Variants in CACNB2 observed in about 807,000 individuals in gnomAD.
CACNB2 encodes calcium voltage-gated channel auxiliary subunit beta 2.
A neutral mutation model predicts 73.3 loss-of-function variants in CACNB2; 42 were observed. That is an observed-to-expected ratio of 0.57 (90% CI 0.45 to 0.74). CACNB2 has a LOEUF of 0.74. CACNB2 is among the 30% of genes least tolerant of loss of function. The pLI, the probability that CACNB2 is intolerant of heterozygous loss-of-function variation, is 0.00. For missense variants in CACNB2, 940 were observed against 853.0 expected, an observed-to-expected ratio of 1.10 and a Z score of -1.27; for synonymous variants, 348 against 310.3, an observed-to-expected ratio of 1.12 and a Z score of -1.28.
chr10:18,438,996 G>A (rs527558357), intron 3 of CACNB2, among the ~76,000 whole-genome samples: 1 of 152,360 alleles, frequency 6.6e-6, no homozygotes, highest in Admixed American at 6.5e-5. Flanking sequence ...TAAACTGAAG[G>A]TCATCGGGGA....
intron 2 of CACNB2, among the ~76,000 whole-genome samples, chr10:18,203,478 G>C (rs2034968946): frequency 1.3e-5 from 2 of 152,088 alleles, no homozygotes; most frequent in Non-Finnish European, 2.9e-5. Flanking sequence ...TCCTTATAAA[G>C]GTAGCAATTT....
intron 3 of CACNB2, among the ~76,000 whole-genome samples, chr10:18,488,507 AGGATTT>A (rs926661292): frequency 6.9e-6 from 1 of 144,590 alleles, no homozygotes; most frequent in African/African-American, 2.5e-5. Context: ...AAAGAAAATC[AGGATTT>A]GACATCGCTG....
chr10:18,159,275 C>T (rs1013592602), intron 2 of CACNB2, among the ~76,000 whole-genome samples: 32 of 152,174 alleles, frequency 2.1e-4, no homozygotes, highest in African/African-American at 6.3e-4. Context: ...AGCCCGGACT[C>T]GCGAACTGTT....
intron 2 of CACNB2, among the ~76,000 whole-genome samples, chr10:18,261,569 G>A (rs1317848547): frequency 6.6e-6 from 1 of 152,066 alleles, no homozygotes. Flanking sequence ...ACTTGCGCGG[G>A]GATTGGTTTG....
At chr10:18,515,819 G>T (rs1386760047) in intron 7 of CACNB2, among the ~76,000 whole-genome samples, 1 of 152,212 alleles carries the variant, frequency 6.6e-6, no homozygotes, top group Non-Finnish European at 1.5e-5. Flanking sequence ...GACGGAGCAG[G>T]AATGTGAGCT....
intron 2 of CACNB2, among the ~76,000 whole-genome samples, chr10:18,174,679 C>T (rs1588620734): frequency 1.3e-5 from 2 of 152,278 alleles, no homozygotes; most frequent in African/African-American, 4.8e-5. Context: ...GCTGAGATTA[C>T]AGGCGTAAGC....
intron 2 of CACNB2, among the ~76,000 whole-genome samples, chr10:18,380,262 C>T (rs960879764): frequency 2.9e-5 from 4 of 140,238 alleles, no homozygotes; most frequent in African/African-American, 7.7e-5. Context: ...ATGGCATTTT[C>T]ATTTTGTTTT....
intron 3 of CACNB2, among the ~76,000 whole-genome samples, chr10:18,420,496 G>T (rs1362660064): frequency 1.3e-5 from 2 of 152,110 alleles, no homozygotes; most frequent in African/African-American, 4.8e-5. Context: ...AAGATCGATG[G>T]ATGTCTCACC....
intron 2 of CACNB2, among the ~76,000 whole-genome samples, chr10:18,249,596 G>A (rs1478902941): frequency 6.6e-6 from 1 of 152,068 alleles, no homozygotes; most frequent in East Asian, 1.9e-4. Context: ...GCCTCTACCT[G>A]ACCAGATCTG....
intron 2 of CACNB2, among the ~76,000 whole-genome samples, chr10:18,182,696 C>A (rs537832529): frequency 6.6e-6 from 1 of 151,762 alleles, no homozygotes; most frequent in African/African-American, 2.4e-5. Context: ...GTGGCGTGCA[C>A]CTGTAATCCC....
chr10:18,362,149 G>A (rs1008105226), intron 2 of CACNB2, among the ~76,000 whole-genome samples: 2 of 152,162 alleles, frequency 1.3e-5, no homozygotes, highest in Non-Finnish European at 2.9e-5. Context: ...TCTAGCAGTG[G>A]TTCACCTAAT....
intron 3 of CACNB2, among the ~76,000 whole-genome samples, chr10:18,418,056 T>C (rs776463815): frequency 5.3e-5 from 8 of 151,670 alleles, no homozygotes; most frequent in Admixed American, 2.0e-4. Flanking sequence ...GAGTGCAGGG[T>C]TGTGGTTTTT....
chr10:18,495,406 A>T (rs1391971048), intron 3 of CACNB2, among the ~76,000 whole-genome samples: 4 of 152,048 alleles, frequency 2.6e-5, no homozygotes, highest in Non-Finnish European at 1.5e-5. Context: ...TTTAGTAGAG[A>T]TGGGGTTTCT....
chr10:18,171,389 C>T (rs1180297231), intron 2 of CACNB2, among the ~76,000 whole-genome samples: 1 of 149,978 alleles, frequency 6.7e-6, no homozygotes, highest in Non-Finnish European at 1.5e-5. Flanking sequence ...GGGCTGGGGG[C>T]AGGATGCTGC....
At chr10:18,285,378 A>G (rs2038742491) in intron 2 of CACNB2, among the ~76,000 whole-genome samples, 2 of 152,204 alleles carry the variant, frequency 1.3e-5, no homozygotes, top group Non-Finnish European at 1.5e-5. Context: ...GAGAAGCTCA[A>G]GCTATACACA....
At position 18,162,396 on chromosome 10, in the gene CACNB2, G is replaced by A. The variant is rs563044629; in HGVS notation, c.213+11421G>A. Among the ~76,000 whole-genome samples, 9 of 152,150 alleles carry A rather than the reference G, an allele frequency of 5.9e-5. No homozygotes were observed. In the East Asian group the frequency reaches 1.4e-3, roughly 23 times the overall value. On this transcript the variant is annotated intron_variant, in intron 2 of 13. Coordinates refer to ENST00000324631, the MANE Select transcript of CACNB2 (RefSeq NM_201596.3). ...TTACTTGTCAGGAAAAAAAAAAATCGAGGATCTGATGTCATCTCTGGCTGA... is the reference window on the plus strand; with the variant it reads ...TTACTTGTCAGGAAAAAAAAAAATCAAGGATCTGATGTCATCTCTGGCTGA...
chr10:18,420,768 CTACTT>C (rs1554815689), intron 3 of CACNB2, among the ~76,000 whole-genome samples: 1 of 152,194 alleles, frequency 6.6e-6, no homozygotes, highest in Non-Finnish European at 1.5e-5. Context: ...AGTTATTACT[CTACTT>C]ATATGACCAT....
At chr10:18,268,850 A>G (rs966695700) in intron 2 of CACNB2, among the ~76,000 whole-genome samples, 1 of 152,224 alleles carries the variant, frequency 6.6e-6, no homozygotes, top group African/African-American at 2.4e-5. Context: ...AGCAAAAGTA[A>G]TTCATAAATG....
intron 3 of CACNB2, among the ~76,000 whole-genome samples, chr10:18,458,718 A>T (rs190537755): frequency 6.9e-4 from 104 of 151,708 alleles, no homozygotes; most frequent in African/African-American, 2.3e-3. Context: ...TCAAAGGCCT[A>T]TGCATACTAT....
Sources: gnomAD v4.1 joint callset for allele counts (sites outside exome capture counted in the v4.1 genomes callset) on GRCh38, gnomAD v4.1.1 for gene constraint, MANE v1.5 for transcripts, NCBI Gene and HGNC (gene_info 2026-07-23, HGNC 2026-07-21) for gene names.